The following DTD2 variants were observed in gnomAD, a reference collection of about 807,000 sequenced individuals.
DTD2 encodes D-aminoacyl-tRNA deacylase 2.
Under a neutral mutation model 15.5 loss-of-function variants are expected in DTD2, and 12 were observed. The observed-to-expected ratio is 0.77, with a 90% confidence interval of 0.50 to 1.25. The LOEUF (loss-of-function observed/expected upper bound fraction) is 1.25. DTD2 is among the 50% of genes most tolerant of loss of function. The pLI is 0.00. For synonymous variants in DTD2, 59 were observed against 77.3 expected (o/e 0.76, Z 1.24); for missense variants, 170 against 201.1 (o/e 0.85, Z 0.93).
intron 1 of DTD2, chr14:31,456,983 T>A: frequency 4.8e-6 from 2 of 414,308 alleles, no homozygotes; most frequent in Non-Finnish European, 8.8e-6. Flanking sequence ...CTGCAAGGGG[T>A]CTGAGACAGT....
At chr14:31,454,626 A>T (rs11845550) in intron 1 of DTD2, among the ~76,000 whole-genome samples, 81,107 of 152,032 alleles carry the variant, frequency 0.53, 21,734 homozygotes, top group African/African-American at 0.6. Flanking sequence ...AATGTCAGAA[A>T]TAAATACCTA....
chr14:31,448,870 G>C (rs2139359738), intron 2 of DTD2, among the ~76,000 whole-genome samples: 1 of 152,064 alleles, frequency 6.6e-6, no homozygotes, highest in South Asian at 2.1e-4. Context: ...ACCAAATTCT[G>C]CTTGCTTGCT....
chr14:31,450,466 T>C (rs2032018597), intron 2 of DTD2, among the ~76,000 whole-genome samples: 1 of 152,234 alleles, frequency 6.6e-6, no homozygotes, highest in Non-Finnish European at 1.5e-5. Flanking sequence ...ATGTTAACCA[T>C]GCTATTTCAG....
intron 2 of DTD2, among the ~76,000 whole-genome samples, chr14:31,450,194 C>T (rs2032014963): frequency 6.6e-6 from 1 of 152,178 alleles, no homozygotes; most frequent in Non-Finnish European, 1.5e-5. Flanking sequence ...CCACATACCT[C>T]CCTCTACTGG....
chr14:31,454,457 C>A lies in DTD2; in HGVS notation c.112-1113G>T, dbSNP rs1272634447. Among the ~76,000 whole-genome samples the A allele has an allele frequency of 4.6e-5, 7 of 152,196 alleles. 1 individual carries two copies. Among genetic ancestry groups the A allele is most frequent in the African/African-American group, 1.7e-4 (7 of 41,450 alleles). ...GAAAAGAAGTGAGTTTTAAAAAGTACAATCGTGCTACTGAAACAATAGGCA... is the reference window on the plus strand; with the variant it reads ...GAAAAGAAGTGAGTTTTAAAAAGTAAAATCGTGCTACTGAAACAATAGGCA... On this transcript the variant is annotated intron_variant, in intron 1 of 2. Transcript: ENST00000310850.
Position 31,448,086 on chromosome 14 carries a change from C to A in DTD2, c.*43G>T. ...AAGAAAATCTAATTATACTTTAGAT[C>A]ATTTCATACCAGAAAACAGCTATAG... is the stretch of plus-strand genomic sequence containing the variant. On this transcript the variant is annotated 3_prime_UTR_variant, in exon 3 of 3. Coordinates refer to ENST00000310850, the MANE Select transcript of DTD2 (RefSeq NM_080664.3). 6.9e-7 allele frequency: 1 copy of A among 1,445,386 alleles called. No individual in the cohort carries two copies. Among genetic ancestry groups the A allele is most frequent in the Non-Finnish European group, 9.4e-7 (1 of 1,061,288 alleles). 89.5% of individuals were successfully genotyped at this position (1,445,386 alleles called of 1,614,324 possible). A position where few individuals can be genotyped will look rare whatever the true frequency, so the allele number is the denominator to read the frequency against.
At chr14:31,454,438 AAGTG>A (rs2032073118) in intron 1 of DTD2, among the ~76,000 whole-genome samples, 1 of 152,250 alleles carries the variant, frequency 6.6e-6, no homozygotes, top group Admixed American at 6.5e-5. Flanking sequence ...CCTGGAAAAG[AAGTG>A]AGTTTTAAAA....
chr14:31,449,035 A>G (rs1456670977), intron 2 of DTD2, among the ~76,000 whole-genome samples: 1 of 152,166 alleles, frequency 6.6e-6, no homozygotes, highest in Non-Finnish European at 1.5e-5. Flanking sequence ...CTGGGACTAC[A>G]GGTGCGTGCC....
rs945581959 is a variant in DTD2, at chr14:31,447,964, G to A, written c.*165C>T. 1 of 594,652 alleles carries A rather than the reference G, an allele frequency of 1.7e-6. No homozygotes were observed. The highest frequency in any genetic ancestry group is 3.4e-5 in the Admixed American group (1 of 29,632). The allele number at this position is 594,652 out of a possible 1,614,324, so 36.8% of individuals were successfully genotyped here. On this transcript the variant is annotated 3_prime_UTR_variant, in exon 3 of 3. Transcript: ENST00000310850. ...CTGAGATCCAGAGTTTAGGTGACTTGGCAAAGTCATCCAATTAGCAGGTGC... is the reference window on the plus strand; with the variant it reads ...CTGAGATCCAGAGTTTAGGTGACTTAGCAAAGTCATCCAATTAGCAGGTGC...
chr14:31,457,480 G>A lies in DTD2; in HGVS notation c.-87C>T. On this transcript the variant is annotated 5_prime_UTR_variant, in exon 1 of 3. Transcript: ENST00000310850. The stretch of plus-strand genomic sequence containing the variant: ...ACGCGCTGGCGGGGCAGACGAGGCG[G>A]GGCACGACGAAGGGCCTGCGCCGAT... The A allele has an allele frequency of 9.4e-7, 1 of 1,063,554 alleles. No homozygotes were observed. Among genetic ancestry groups the A allele is most frequent in the South Asian group, 1.8e-5 (1 of 55,324 alleles). The allele number at this position is 1,063,554 out of a possible 1,614,324, so 65.9% of individuals were successfully genotyped here. A position where few individuals can be genotyped will look rare whatever the true frequency, so the allele number is the denominator to read the frequency against.
intron 1 of DTD2, among the ~76,000 whole-genome samples, chr14:31,453,962 T>C (rs1595218493): frequency 6.6e-6 from 1 of 152,366 alleles, no homozygotes; most frequent in East Asian, 1.9e-4. Flanking sequence ...AGGTTGGTTG[T>C]TATCAGGAAT....
chr14:31,447,140 T>C lies in DTD2; in HGVS notation c.*989A>G, dbSNP rs2031968936. On this transcript the variant is annotated 3_prime_UTR_variant, in exon 3 of 3. Transcript: ENST00000310850. Reference sequence around the variant, plus strand: ...CACAATAACCCTTCTATATTACATATATATCTATATGTATATGTATATGTT... The same window carrying C: ...CACAATAACCCTTCTATATTACATACATATCTATATGTATATGTATATGTT... 1 of 152,144 alleles carries C rather than the reference T, an allele frequency of 6.6e-6. No individual in the cohort carries two copies. The allele number at this position is 152,144 out of a possible 1,614,324, so 9.4% of individuals were successfully genotyped here. A position where few individuals can be genotyped will look rare whatever the true frequency, so the allele number is the denominator to read the frequency against.
chr14:31,450,879 CAT>C (rs994417901), intron 2 of DTD2, among the ~76,000 whole-genome samples: 13 of 152,276 alleles, frequency 8.5e-5, no homozygotes, highest in East Asian at 1.9e-4. Context: ...TATAAAATAA[CAT>C]GTGGTTTGGA....
chr14:31,448,593 T>C, intron 2 of DTD2, 139 bp from the exon 3 acceptor site: 1 of 689,266 alleles, frequency 1.5e-6, no homozygotes, highest in South Asian at 2.1e-5. Flanking sequence ...CTATTTAGAT[T>C]TAAAATACTG....
chr14:31,451,107 C>T (rs2032026659), intron 2 of DTD2, among the ~76,000 whole-genome samples: 1 of 150,382 alleles, frequency 6.6e-6, no homozygotes, highest in East Asian at 1.9e-4. Flanking sequence ...TAGGATCTGA[C>T]AATTATTCTC....
chr14:31,452,099 TG>T (rs1416232232), intron 2 of DTD2: 2 of 152,274 alleles, frequency 1.3e-5, no homozygotes, highest in Non-Finnish European at 1.5e-5. Flanking sequence ...TCCATGTCCT[TG>T]GAGGAGGTGT....
chr14:31,449,810 T>A (rs2032009473), intron 2 of DTD2, among the ~76,000 whole-genome samples: 1 of 152,176 alleles, frequency 6.6e-6, no homozygotes, highest in Admixed American at 6.5e-5. Context: ...TCTGTTGGGG[T>A]AGCTAACGGT....
Position 31,457,491 on chromosome 14 carries a change from A to G in DTD2, c.-98T>C, listed in dbSNP as rs1455888786. 1.1e-6 allele frequency: 1 copy of G among 928,198 alleles called. No individual in the cohort carries two copies. The highest frequency in any genetic ancestry group is 1.5e-6 in the Non-Finnish European group (1 of 648,758). 57.5% of individuals were successfully genotyped at this position (928,198 alleles called of 1,614,324 possible). On this transcript the variant is annotated 5_prime_UTR_variant, in exon 1 of 3. Transcript: ENST00000310850. Reference sequence around the variant, plus strand: ...GGGCAGACGAGGCGGGGCACGACGAAGGGCCTGCGCCGATTGCCCAGTGGC... The same window carrying G: ...GGGCAGACGAGGCGGGGCACGACGAGGGGCCTGCGCCGATTGCCCAGTGGC...
chr14:31,448,114 A>C lies in DTD2; in HGVS notation c.*15T>G, dbSNP rs1487094582. The C allele has an allele frequency of 6.4e-7, 1 of 1,572,994 alleles. No homozygotes were observed. The highest frequency in any genetic ancestry group is 1.4e-5 in the African/African-American group (1 of 73,440). On this transcript the variant is annotated 3_prime_UTR_variant, in exon 3 of 3. Transcript: ENST00000310850. Reference sequence around the variant, plus strand: ...TTCATACCAGAAAACAGCTATAGAAACTAGTTTTTCATTTTCAAAACTCAA... The same window carrying C: ...TTCATACCAGAAAACAGCTATAGAACCTAGTTTTTCATTTTCAAAACTCAA...
Sources: allele counts gnomAD v4.1 joint callset (sites outside exome capture counted in the v4.1 genomes callset), GRCh38; gene constraint gnomAD v4.1.1; transcripts MANE v1.5; gene names NCBI Gene and HGNC (gene_info 2026-07-23, HGNC 2026-07-21).